TWF2: variants seen among roughly 807,000 people sequenced by gnomAD.
The protein encoded by TWF2 is twinfilin actin binding protein 2, also known as twinfilin-2.
In TWF2, 15 loss-of-function variants were observed where a neutral mutation model predicts 45.1. The ratio of observed to expected loss-of-function variants is 0.33; its 90% CI spans 0.22 to 0.51. The LOEUF is 0.51. Ranked by LOEUF, TWF2 falls within the 20% of genes least tolerant of loss-of-function variation. The pLI is 0.97. For synonymous variants in TWF2, 177 were observed against 195.8 expected (o/e 0.90, Z 0.80); for missense variants, 423 against 469.1 (o/e 0.90, Z 0.91).
chr3:52,230,181 C>A, intron 6 of TWF2, 111 bp from the exon 7 acceptor site: 2 of 1,371,264 alleles, frequency 1.5e-6, no homozygotes, highest in Non-Finnish European at 1.9e-6. Flanking sequence ...CCTGATGTGA[C>A]CTCCCTCTCC....
intron 3 of TWF2, among the ~76,000 whole-genome samples, 192 bp from the exon 4 acceptor site, chr3:52,231,731 C>T (rs184930363): frequency 1.3e-5 from 2 of 152,336 alleles, no homozygotes; most frequent in East Asian, 1.9e-4. Flanking sequence ...TCACAGCCTC[C>T]GGAGCCAGGC....
Position 52,231,968 on chromosome 3 carries a change from G to C in TWF2, c.258C>G (p.Leu86=). The stretch of plus-strand genomic sequence containing the variant: ...CGGGGGAGTTATCAGGCGACCAGGC[G>C]AGGAAGAGCCATTCGAAGCCCTGAG... ...QNAQGFEWLF[L]AWSPDNSPVR... The change falls in exon 3 of 9, where the codon CTC becomes CTG. Residue 86 remains leucine, a synonymous_variant. Coordinates refer to ENST00000305533, the MANE Select transcript of TWF2 (RefSeq NM_007284.4). 6.2e-7 allele frequency: 1 copy of C among 1,613,866 alleles called. No individual in the cohort carries two copies. Among genetic ancestry groups the C allele is most frequent in the Non-Finnish European group, 8.5e-7 (1 of 1,179,868 alleles).
chr3:52,232,334 T>G, intron 2 of TWF2: 2 of 613,848 alleles, frequency 3.3e-6, no homozygotes, highest in Non-Finnish European at 5.6e-6. Context: ...GCTGCCCCCC[T>G]GCACATCCCC....
chr3:52,232,363 C>A lies in TWF2; in HGVS notation c.104-241G>T, dbSNP rs1343503729. ...CATCCCCAGCGCGTGCACACACCCC[C>A]CCACACACACACACGTGCGCAGATC... On this transcript the variant is annotated intron_variant, in intron 2 of 8. Transcript: ENST00000305533. 37 of 570,962 alleles carry A rather than the reference C, an allele frequency of 6.5e-5. No individual in the cohort carries two copies. The South Asian group carries it at 7.9e-4, about 12-fold the overall frequency. 35.4% of individuals were successfully genotyped at this position (570,962 alleles called of 1,614,324 possible). A position where few individuals can be genotyped will look rare whatever the true frequency, so the allele number is the denominator to read the frequency against.
Position 52,229,646 on chromosome 3 carries a change from G to A in TWF2, c.882+15C>T. ...ATAGGGCCTGGGGAGGTGAGGCCCT[G>A]GGGAGGGCGCCTACTTTCTTGGCGA... On this transcript the variant is annotated intron_variant, in intron 8 of 8. Transcript: ENST00000305533. 1 of 1,612,762 alleles carries A rather than the reference G, an allele frequency of 6.2e-7. No homozygotes were observed. The highest frequency in any genetic ancestry group is 8.5e-7 in the Non-Finnish European group (1 of 1,179,664).
Position 52,231,461 on chromosome 3 carries a change from G to A in TWF2, c.361C>T (p.Leu121Phe). ...EFGGGHIKDE[L>F]FGTVKDDLSF... The stretch of plus-strand genomic sequence containing the variant: ...AGGATTACCTTCACAGTCCCGAAGA[G>A]CTCATCCTTGATGTGGCCACCTCCA... Residue 121 changes from leucine to phenylalanine, a missense_variant, in exon 4 of 9, where the codon CTC (leucine) becomes TTC (phenylalanine). Physicochemically the swap from Leu to Phe is conservative, Grantham distance 22. Transcript: ENST00000305533. 6.2e-7 allele frequency: 1 copy of A among 1,614,078 alleles called. No homozygotes were observed. Among genetic ancestry groups the A allele is most frequent in the Non-Finnish European group, 8.5e-7 (1 of 1,179,972 alleles).
chr3:52,233,913 C>CAA (rs5848945), intron 2 of TWF2, among the ~76,000 whole-genome samples: 1,201 of 73,658 alleles, frequency 0.016, 30 homozygotes, highest in African/African-American at 0.051. Context: ...AACTCCGTCT[C>CAA]AAAAAAAAAA....
At chr3:52,238,084 G>A (rs1018999206) in intron 1 of TWF2, among the ~76,000 whole-genome samples, 7 of 152,230 alleles carry the variant, frequency 4.6e-5, no homozygotes, top group African/African-American at 1.7e-4. Flanking sequence ...GGACCCCTAG[G>A]GGAGGGGAGG....
intron 2 of TWF2, among the ~76,000 whole-genome samples, chr3:52,234,561 C>T (rs534347630): frequency 2.0e-5 from 3 of 152,348 alleles, no homozygotes; most frequent in South Asian, 2.1e-4. Flanking sequence ...CATCCCTTCT[C>T]CCCATCATGG....
chr3:52,235,658 T>C (rs1170556633), intron 1 of TWF2, among the ~76,000 whole-genome samples: 1 of 152,150 alleles, frequency 6.6e-6, no homozygotes, highest in African/African-American at 2.4e-5. Flanking sequence ...ACATGCTCAG[T>C]TGCTCAAACA....
chr3:52,233,321 C>G (rs1203904118), intron 2 of TWF2, among the ~76,000 whole-genome samples: 1 of 152,246 alleles, frequency 6.6e-6, no homozygotes, highest in African/African-American at 2.4e-5. Context: ...TCCTCACCTG[C>G]CCACCCAGAA....
At chr3:52,231,862 C>A in intron 3 of TWF2, 82 bp downstream of exon 3, 1 of 1,549,358 alleles carries the variant, frequency 6.5e-7, no homozygotes, top group South Asian at 1.2e-5. Flanking sequence ...CCTGTGTCCC[C>A]TCTTGGATCC....
chr3:52,234,966 C>T, intron 2 of TWF2, 63 bp downstream of exon 2: 2 of 1,581,734 alleles, frequency 1.3e-6, no homozygotes, highest in South Asian at 1.1e-5. Flanking sequence ...CCTCCTTCCC[C>T]CACCCACAGA....
At chr3:52,235,693 C>T (rs1035473283) in intron 1 of TWF2, among the ~76,000 whole-genome samples, 1 of 152,210 alleles carries the variant, frequency 6.6e-6, no homozygotes, top group African/African-American at 2.4e-5. Flanking sequence ...TGTTTAGATA[C>T]ACAAACACAC....
Position 52,239,155 on chromosome 3 carries a change from A to C in TWF2, c.-139T>G, listed in dbSNP as rs893578908. 5 of 1,169,060 alleles carry C rather than the reference A, an allele frequency of 4.3e-6. No individual in the cohort carries two copies. The highest frequency in any genetic ancestry group is 5.4e-6 in the Non-Finnish European group (5 of 920,220). 72.4% of individuals were successfully genotyped at this position (1,169,060 alleles called of 1,614,324 possible). A position where few individuals can be genotyped will look rare whatever the true frequency, so the allele number is the denominator to read the frequency against. On this transcript the variant is annotated 5_prime_UTR_variant, in exon 1 of 9. Transcript: ENST00000305533. ...GCAGCTTCCCGGGCGGTGCCGCAGG[A>C]CCCGCCCCCAGCGGCGCCCCGCCCC... is the stretch of plus-strand genomic sequence containing the variant.
chr3:52,231,508 C>T lies in TWF2; in HGVS notation c.314G>A (p.Arg105Gln), dbSNP rs775166989. Residue 105 changes from arginine to glutamine, a missense_variant, in exon 4 of 9, where the codon CGG becomes CAG. Coordinates refer to ENST00000305533, the MANE Select transcript of TWF2 (RefSeq NM_007284.4). Reference sequence around the variant, plus strand: ...TCCAAACTCCTTTTTCACTGTGGCCCGCGTGGCCGCGTACAGCATCTTCAG... The same window carrying T: ...TCCAAACTCCTTTTTCACTGTGGCCTGCGTGGCCGCGTACAGCATCTTCAG... ...VRLKMLYAAT[R>Q]ATVKKEFGGG... 31 of 1,613,678 alleles carry T rather than the reference C, an allele frequency of 1.9e-5. No homozygotes were observed. The highest frequency in any genetic ancestry group is 2.4e-5 in the Non-Finnish European group (28 of 1,179,976).
At chr3:52,233,504 G>A (rs887658250) in intron 2 of TWF2, among the ~76,000 whole-genome samples, 6 of 152,364 alleles carry the variant, frequency 3.9e-5, no homozygotes, top group African/African-American at 1.4e-4. Flanking sequence ...CCACACTGGA[G>A]CCATCCTCAA....
At position 52,231,992 on chromosome 3, in the gene TWF2, A is replaced by G. The variant is rs149203658; in HGVS notation, c.234T>C (p.Ala78=). The G allele has an allele frequency of 1.5e-5, 25 of 1,613,900 alleles. No homozygotes were observed. Among genetic ancestry groups the G allele is most frequent in the Middle Eastern group, 1.6e-4 (1 of 6,080 alleles). Residue 78 remains alanine (A), a synonymous_variant, in exon 3 of 9, where the codon GCT becomes GCC. Transcript: ENST00000305533. The stretch of plus-strand genomic sequence containing the variant: ...CGAGGAAGAGCCATTCGAAGCCCTG[A>G]GCATTCTGTGAGTCGAGGCGGTAGA... ...YLLYRLDSQN[A]QGFEWLFLAW...
At chr3:52,236,910 G>C (rs1348905338) in intron 1 of TWF2, among the ~76,000 whole-genome samples, 2 of 152,136 alleles carry the variant, frequency 1.3e-5, no homozygotes, top group African/African-American at 2.4e-5. Context: ...TTCTCCCTCA[G>C]CTGTGTGACT....
Sources: allele counts gnomAD v4.1 joint callset (sites outside exome capture counted in the v4.1 genomes callset), GRCh38; gene constraint gnomAD v4.1.1; transcripts MANE v1.5; gene names NCBI Gene and HGNC (gene_info 2026-07-23, HGNC 2026-07-21).